PHACTR2: variants seen among roughly 807,000 people sequenced by gnomAD.
PHACTR2 encodes chromosome 6 open reading frame 56.
Under a neutral mutation model 76.0 loss-of-function variants are expected in PHACTR2, and 30 were observed. The observed-to-expected ratio is 0.39, with a 90% CI of 0.30 to 0.54. The LOEUF is 0.54. Ranked by LOEUF, PHACTR2 falls within the 20% of genes least tolerant of loss-of-function variation. The pLI is 0.61. For synonymous variants in PHACTR2, 292 were observed against 292.5 expected (o/e 1.00, Z 0.02); for missense variants, 696 against 781.1 (o/e 0.89, Z 1.30).
rs748075314 is a variant in PHACTR2 at position 143,829,188 on chromosome 6, C to CTTTTTTTTTTTTTTTTTTTT, written c.*5502_*5521dup. 2 of 71,706 alleles carry CTTTTTTTTTTTTTTTTTTTT rather than the reference C, an allele frequency of 2.8e-5. No individual in the cohort carries two copies. The highest frequency in any genetic ancestry group is 1.7e-4 in the Admixed American group (1 of 6,024). 4.4% of individuals were successfully genotyped at this position (71,706 alleles called of 1,614,324 possible). On this transcript the variant is annotated 3_prime_UTR_variant, in exon 13 of 13. Transcript: ENST00000440869. The stretch of plus-strand genomic sequence containing the variant: ...AAGGAGAGATCATACATGAAGAAAG[C>CTTTTTTTTTTTTTTTTTTTT]TTTTTTTTTTTTTTTTTTTTTTGCC...
chr6:143,594,544 G>A (rs1173741988), intron 1 of PHACTR2, among the ~76,000 whole-genome samples: 1 of 152,236 alleles, frequency 6.6e-6, no homozygotes, highest in East Asian at 1.9e-4. Flanking sequence ...TATCCTGGTG[G>A]AATATGGAAA....
chr6:143,622,628 G>A (rs1157797978), intron 1 of PHACTR2, among the ~76,000 whole-genome samples: 1 of 152,134 alleles, frequency 6.6e-6, no homozygotes. Context: ...AGGAGAAAAG[G>A]ACAGTTTAGA....
intron 2 of PHACTR2, among the ~76,000 whole-genome samples, chr6:143,724,753 T>C (rs1267933508): frequency 3.3e-5 from 5 of 152,248 alleles, no homozygotes; most frequent in African/African-American, 9.6e-5. Context: ...GTGCCAGCTA[T>C]GTCAATCCCT....
chr6:143,659,434 C>T lies in PHACTR2; in HGVS notation c.13+51112C>T, dbSNP rs1322068853. ...AGTAGGGATGTCGTCTCATCCAAGG[C>T]TTGACTGAGGAAGGATACACCTGGA... On this transcript the variant is annotated intron_variant, in intron 1 of 11. Transcript: ENST00000305766. This position sits in a 1 kb window ranked among gnomAD's most constrained non-coding sequence, Gnocchi z 5.0. 1.3e-5 allele frequency among the ~76,000 whole-genome samples: 2 copies of T among 152,178 alleles called. No individual in the cohort carries two copies. The highest frequency in any genetic ancestry group is 4.8e-5 in the African/African-American group (2 of 41,434).
In PHACTR2 at chr6:143,783,005, A is replaced by ATGTGTGTGTGTGTGTGTGTGTG. The variant is rs144077213; in HGVS notation, c.1646-204_1646-183dup. ...AGCAAACCAGTCCTACAAAAAAAGCATGTGTGTGTGTGTGTGTGTGTGTGT... is the reference window on the plus strand; with the variant it reads ...AGCAAACCAGTCCTACAAAAAAAGCATGTGTGTGTGTGTGTGTGTGTGTGTGTGTGTGTGTGTGTGTGTGTGT... On this transcript the variant is annotated intron_variant, in intron 9 of 12. Transcript: ENST00000440869. The surrounding 1 kb of genome is among the most constrained non-coding windows in gnomAD (Gnocchi z 5.2). Among the ~76,000 whole-genome samples, 3 of 146,238 alleles carry ATGTGTGTGTGTGTGTGTGTGTG rather than the reference A, an allele frequency of 2.1e-5. No individual in the cohort carries two copies. Among genetic ancestry groups the ATGTGTGTGTGTGTGTGTGTGTG allele is most frequent in the Middle Eastern group, 3.4e-3 (1 of 292 alleles).
chr6:143,818,019 T>G lies in PHACTR2; in HGVS notation c.1923-5655T>G, dbSNP rs1429118829. ...GAATGTTCCTGACACAAAGAAATGATAAATGTGTAGGATGATTGATTTGCT... is the reference window on the plus strand; with the variant it reads ...GAATGTTCCTGACACAAAGAAATGAGAAATGTGTAGGATGATTGATTTGCT... On this transcript the variant is annotated intron_variant, in intron 12 of 12. Coordinates refer to ENST00000440869, the MANE Select transcript of PHACTR2 (RefSeq NM_001100164.2). The surrounding 1 kb of genome is among the most constrained non-coding windows in gnomAD (Gnocchi z 4.9). 6.6e-6 allele frequency among the ~76,000 whole-genome samples: 1 copy of G among 152,226 alleles called. No individual in the cohort carries two copies. The highest frequency in any genetic ancestry group is 1.5e-5 in the Non-Finnish European group (1 of 68,034).
intron 1 of PHACTR2, among the ~76,000 whole-genome samples, chr6:143,637,844 G>A (rs896325728): frequency 6.6e-6 from 1 of 152,160 alleles, no homozygotes; most frequent in Non-Finnish European, 1.5e-5. Context: ...TTTGGCAAAC[G>A]TGATAACATA....
chr6:143,740,616 G>GTAAGGCTTGTGGA (rs1474302481), intron 2 of PHACTR2, among the ~76,000 whole-genome samples: 3 of 152,120 alleles, frequency 2.0e-5, no homozygotes, highest in African/African-American at 7.2e-5. Flanking sequence ...GTAAGGCTGA[G>GTAAGGCTTGTGGA]GTTCAAGTCT....
At position 143,678,220 on chromosome 6, in the gene PHACTR2, G is replaced by C; in HGVS notation, c.46+11G>C. 1 of 1,497,774 alleles carries C rather than the reference G, an allele frequency of 6.7e-7. No homozygotes were observed. The highest frequency in any genetic ancestry group is 8.9e-7 in the Non-Finnish European group (1 of 1,124,218). 92.8% of individuals were successfully genotyped at this position (1,497,774 alleles called of 1,614,324 possible). On this transcript the variant is annotated intron_variant, in intron 1 of 12. Transcript: ENST00000440869. This position sits in a 1 kb window ranked among gnomAD's most constrained non-coding sequence, Gnocchi z 6.2. ...CGCAGCCCGGCAGCGGTGAGTCCGG[G>C]GCGCACGCGATGCGCTCCCGCCGCG...
At chr6:143,735,069 A>G (rs1045762791) in intron 2 of PHACTR2, among the ~76,000 whole-genome samples, 1 of 152,180 alleles carries the variant, frequency 6.6e-6, no homozygotes, top group Non-Finnish European at 1.5e-5. Context: ...CTCACTTAGA[A>G]TATAAGATGC....
chr6:143,538,024 C>T (rs1158510021), intron 1 of PHACTR2, among the ~76,000 whole-genome samples: 1 of 152,176 alleles, frequency 6.6e-6, no homozygotes, highest in East Asian at 1.9e-4. Context: ...GCAGGAGAAT[C>T]GCTTGAACCT....
chr6:143,550,772 C>G lies in PHACTR2; in HGVS notation c.217+13565C>G, dbSNP rs1775084573. ...CAAAGATTAGGGGCGAGTGCGGTGGCTCACGCCTGTAATCCTAGCACTTTA... is the reference window on the plus strand; with the variant it reads ...CAAAGATTAGGGGCGAGTGCGGTGGGTCACGCCTGTAATCCTAGCACTTTA... On this transcript the variant is annotated intron_variant, in intron 1 of 11. Transcript: ENST00000367584. This position sits in a 1 kb window ranked among gnomAD's most constrained non-coding sequence, Gnocchi z 4.8. 6.6e-6 allele frequency among the ~76,000 whole-genome samples: 1 copy of G among 151,824 alleles called. No individual in the cohort carries two copies. Among genetic ancestry groups the G allele is most frequent in the Non-Finnish European group, 1.5e-5 (1 of 67,986 alleles).
rs916006992 is a variant in PHACTR2 at position 143,583,421 on chromosome 6, C to A, written c.217+46214C>A. Among the ~76,000 whole-genome samples the A allele has an allele frequency of 6.6e-6, 1 of 152,224 alleles. No homozygotes were observed. Among genetic ancestry groups the A allele is most frequent in the African/African-American group, 2.4e-5 (1 of 41,442 alleles). ...GGTAAAAAATTGGTTTATCCTCTCT[C>A]AAAGTTTATCCTAAAGTTGCTGAGT... On this transcript the variant is annotated intron_variant, in intron 1 of 11. Coordinates refer to the PHACTR2 transcript ENST00000367584. This position sits in a 1 kb window ranked among gnomAD's most constrained non-coding sequence, Gnocchi z 4.0.
chr6:143,582,709 A>G (rs1775589921), intron 1 of PHACTR2, among the ~76,000 whole-genome samples: 1 of 152,234 alleles, frequency 6.6e-6, no homozygotes, highest in Non-Finnish European at 1.5e-5. Context: ...ACAATATAAT[A>G]TTAAAGAATA....
chr6:143,712,892 T>C (rs1347542766), intron 2 of PHACTR2, among the ~76,000 whole-genome samples: 1 of 152,230 alleles, frequency 6.6e-6, no homozygotes, highest in African/African-American at 2.4e-5. Flanking sequence ...GCCTTTCATA[T>C]CAACTCGTGG....
At chr6:143,644,915 G>T (rs1455415627) in intron 1 of PHACTR2, among the ~76,000 whole-genome samples, 1 of 151,988 alleles carries the variant, frequency 6.6e-6, no homozygotes, top group Non-Finnish European at 1.5e-5. Flanking sequence ...AAATTTTGGT[G>T]CACCCATCAC....
At chr6:143,779,617 G>A (rs578003039) in intron 9 of PHACTR2, among the ~76,000 whole-genome samples, 116 of 152,128 alleles carry the variant, frequency 7.6e-4, no homozygotes, top group Middle Eastern at 3.4e-3. Flanking sequence ...CAAAGTGCTG[G>A]GATTACGGGT....
At chr6:143,728,385 A>G (rs910746275) in intron 2 of PHACTR2, among the ~76,000 whole-genome samples, 5 of 150,562 alleles carry the variant, frequency 3.3e-5, no homozygotes, top group Admixed American at 3.3e-4. Flanking sequence ...CTAGTTTTTT[A>G]TATTTTTTTG....
Position 143,599,090 on chromosome 6 carries a change from C to T in PHACTR2, c.217+61883C>T, listed in dbSNP as rs1775785784. Among the ~76,000 whole-genome samples, 1 of 152,180 alleles carries T rather than the reference C, an allele frequency of 6.6e-6. No individual in the cohort carries two copies. Among genetic ancestry groups the T allele is most frequent in the Non-Finnish European group, 1.5e-5 (1 of 68,038 alleles). On this transcript the variant is annotated intron_variant, in intron 1 of 11. Transcript: ENST00000367584. The surrounding 1 kb of genome is among the most constrained non-coding windows in gnomAD (Gnocchi z 4.6). Reference sequence around the variant, plus strand: ...GACCCTCTGGGTACTCAGCGCTTTGCTCTAGGTGTCCTAAGCTGATCTGAA... The same window carrying T: ...GACCCTCTGGGTACTCAGCGCTTTGTTCTAGGTGTCCTAAGCTGATCTGAA...
Sources: gnomAD v4.1 joint callset for allele counts (sites outside exome capture counted in the v4.1 genomes callset) on GRCh38, gnomAD v4.1.1 for gene constraint, Gnocchi (gnomAD v3.1) non-coding constraint, MANE v1.5 for transcripts, NCBI Gene and HGNC (gene_info 2026-07-23, HGNC 2026-07-21) for gene names.